OPCML: variants seen among roughly 807,000 people sequenced by gnomAD.
The protein encoded by OPCML is opioid-binding protein/cell adhesion molecule.
A neutral mutation model predicts 37.8 loss-of-function variants in OPCML; 13 were observed. The ratio of observed to expected loss-of-function variants is 0.34; its 90% CI spans 0.22 to 0.55. The LOEUF (loss-of-function observed/expected upper bound fraction) is 0.55, where lower values mean the gene tolerates loss of function less well. OPCML is among the 20% of genes least tolerant of loss of function. The pLI, the probability that OPCML is intolerant of heterozygous loss-of-function variation, is 0.91. For missense variants in OPCML, 341 were observed against 435.6 expected, an observed-to-expected ratio of 0.78 and a Z score of 1.93; for synonymous variants, 176 against 168.8, an observed-to-expected ratio of 1.04 and a Z score of -0.33.
At chr11:132,677,799 T>A (rs1426883376) in intron 2 of OPCML, among the ~76,000 whole-genome samples, 2 of 152,124 alleles carry the variant, frequency 1.3e-5, no homozygotes, top group Non-Finnish European at 2.9e-5. Flanking sequence ...ATTCTAAATC[T>A]CCTGGATAAA....
At chr11:132,897,555 C>T (rs1943897026) in intron 2 of OPCML, among the ~76,000 whole-genome samples, 1 of 152,204 alleles carries the variant, frequency 6.6e-6, no homozygotes, top group South Asian at 2.1e-4. Flanking sequence ...GGGGAGTCCT[C>T]ATGATCAGCC....
chr11:133,162,098 T>C (rs1454216158), intron 1 of OPCML, among the ~76,000 whole-genome samples: 2 of 151,620 alleles, frequency 1.3e-5, no homozygotes, highest in Admixed American at 6.6e-5. Context: ...TTCTTCCAAT[T>C]TGAACACTAC....
intron 2 of OPCML, among the ~76,000 whole-genome samples, chr11:132,717,321 T>A (rs1308469443): frequency 6.6e-6 from 1 of 152,162 alleles, no homozygotes; most frequent in East Asian, 1.9e-4. Context: ...CACCCTAATA[T>A]TTAATAACAG....
intron 1 of OPCML, among the ~76,000 whole-genome samples, chr11:133,453,176 T>C (rs962331446): frequency 6.6e-6 from 1 of 152,224 alleles, no homozygotes; most frequent in East Asian, 1.9e-4. Context: ...ATTTCAGCAA[T>C]GTTTGAAGCA....
intron 1 of OPCML, among the ~76,000 whole-genome samples, chr11:133,379,059 A>T (rs1056060894): frequency 6.6e-6 from 1 of 152,142 alleles, no homozygotes; most frequent in South Asian, 2.1e-4. Flanking sequence ...ATTGGCCACT[A>T]TATGCAAATT....
intron 1 of OPCML, among the ~76,000 whole-genome samples, chr11:133,385,292 C>T (rs1565606487): frequency 1.3e-5 from 2 of 152,208 alleles, no homozygotes; most frequent in Non-Finnish European, 2.9e-5. Context: ...GACTCTGACC[C>T]GAAAACACTC....
Position 132,968,724 on chromosome 11 carries a change from G to A in OPCML, c.62-25714C>T, listed in dbSNP as rs1042004794. Among the ~76,000 whole-genome samples the A allele has an allele frequency of 2.6e-5, 4 of 152,284 alleles. No individual in the cohort carries two copies. In the South Asian group the frequency reaches 8.3e-4, roughly 32 times the overall value. ...ATCTTTTATCTTGCAATCTTGCTATGATTGCTTATTAGTTCCAGGAATTTT... is the reference window on the plus strand; with the variant it reads ...ATCTTTTATCTTGCAATCTTGCTATAATTGCTTATTAGTTCCAGGAATTTT... On this transcript the variant is annotated intron_variant, in intron 1 of 7. Coordinates refer to ENST00000524381, the MANE Select transcript of OPCML (RefSeq NM_001012393.5).
At position 133,294,777 on chromosome 11, in the gene OPCML, C is replaced by T. The variant is rs573767417; in HGVS notation, c.61+237487G>A. Among the ~76,000 whole-genome samples the T allele has an allele frequency of 2.7e-3, 293 of 110,222 alleles. 2 individuals carry two copies. The highest frequency in any genetic ancestry group is 0.01 in the African/African-American group (266 of 26,464). 72.3% of individuals were successfully genotyped at this position (110,222 alleles called of 152,430 possible). A position where few individuals can be genotyped will look rare whatever the true frequency, so the allele number is the denominator to read the frequency against. ...CATGTTTCAAGGGCAAACCTGCAAA[C>T]AGAAACTTTCTTTTTTTTTTTCTTT... is the stretch of plus-strand genomic sequence containing the variant. On this transcript the variant is annotated intron_variant, in intron 1 of 7. Coordinates refer to ENST00000524381, the MANE Select transcript of OPCML (RefSeq NM_001012393.5).
chr11:133,173,790 T>A lies in OPCML; in HGVS notation c.62-230780A>T, dbSNP rs1348380852. Among the ~76,000 whole-genome samples, 1 of 152,148 alleles carries A rather than the reference T, an allele frequency of 6.6e-6. No homozygotes were observed. Among genetic ancestry groups the A allele is most frequent in the Non-Finnish European group, 1.5e-5 (1 of 68,020 alleles). ...AATTACGTTTTTCTCTTTTTCCCCA[T>A]CCCAGCTTCCATAGCAATACGACAG... On this transcript the variant is annotated intron_variant, in intron 1 of 7. Transcript: ENST00000524381. This position sits in a 1 kb window ranked among gnomAD's most constrained non-coding sequence, Gnocchi z 7.8.
chr11:133,015,302 G>A (rs928192803), intron 1 of OPCML, among the ~76,000 whole-genome samples: 5 of 143,464 alleles, frequency 3.5e-5, no homozygotes, highest in East Asian at 4.7e-4. Context: ...GAAAGTATGC[G>A]TTGTATTATG....
intron 2 of OPCML, among the ~76,000 whole-genome samples, chr11:132,766,061 T>C (rs564201792): frequency 6.6e-6 from 1 of 151,396 alleles, no homozygotes; most frequent in Non-Finnish European, 1.5e-5. Context: ...TATAATCTGT[T>C]GAATAGAATA....
chr11:133,330,486 C>A (rs1285799616), intron 1 of OPCML, among the ~76,000 whole-genome samples: 5 of 152,132 alleles, frequency 3.3e-5, no homozygotes, highest in Non-Finnish European at 7.4e-5. Context: ...CACATATACA[C>A]CATGGAATAC....
chr11:132,953,021 A>C (rs1038218153), intron 1 of OPCML, among the ~76,000 whole-genome samples: 2 of 152,208 alleles, frequency 1.3e-5, no homozygotes, highest in Non-Finnish European at 2.9e-5. Flanking sequence ...AAAGTTATCT[A>C]TGAGGTTCCC....
intron 1 of OPCML, among the ~76,000 whole-genome samples, chr11:133,085,106 C>T (rs892626364): frequency 6.6e-6 from 1 of 152,272 alleles, no homozygotes; most frequent in East Asian, 1.9e-4. Context: ...GAAGTTCATC[C>T]TTCCATTTAG....
intron 3 of OPCML, among the ~76,000 whole-genome samples, chr11:132,634,145 G>A (rs1312445271): frequency 6.6e-6 from 1 of 152,182 alleles, no homozygotes; most frequent in Non-Finnish European, 1.5e-5. Flanking sequence ...ACTTCCCCCT[G>A]GATCCTACTA....
intron 1 of OPCML, among the ~76,000 whole-genome samples, chr11:133,344,458 T>C (rs1289232220): frequency 6.6e-6 from 1 of 152,164 alleles, no homozygotes; most frequent in Admixed American, 6.5e-5. Context: ...CCAGCCAAAT[T>C]GGACAAATCC....
rs79321100 is a variant in OPCML, at chr11:133,014,527, C to A, written c.62-71517G>T. ...AGCGCTAAAGGTCTCACGGCTCACT[C>A]AAGTATCACTAGCCATCTGTCAGCA... On this transcript the variant is annotated intron_variant, in intron 1 of 7. Transcript: ENST00000524381. Among the ~76,000 whole-genome samples the A allele has an allele frequency of 6.8e-3, 1,030 of 152,302 alleles. 11 individuals are homozygous for A. The highest frequency in any genetic ancestry group is 0.024 in the African/African-American group (993 of 41,564).
At chr11:133,497,735 G>A (rs1947815267) in intron 1 of OPCML, among the ~76,000 whole-genome samples, 1 of 152,196 alleles carries the variant, frequency 6.6e-6, no homozygotes, top group Non-Finnish European at 1.5e-5. Flanking sequence ...TAGGCAGTTT[G>A]TGCTATTTCC....
intron 2 of OPCML, among the ~76,000 whole-genome samples, chr11:132,789,261 G>A (rs1240275156): frequency 6.6e-6 from 1 of 152,154 alleles, no homozygotes; most frequent in African/African-American, 2.4e-5. Flanking sequence ...GGCTTCAGGA[G>A]GGCAGAAACC....
Sources: allele counts gnomAD v4.1 joint callset (sites outside exome capture counted in the v4.1 genomes callset), GRCh38; gene constraint gnomAD v4.1.1; non-coding constraint Gnocchi (gnomAD v3.1); transcripts MANE v1.5; gene names NCBI Gene and HGNC (gene_info 2026-07-23, HGNC 2026-07-21).